Variants in HECW2 observed in about 807,000 individuals in gnomAD.
The protein encoded by HECW2 is HECT, C2 and WW domain containing E3 ubiquitin protein ligase 2.
HECW2 carries 61 observed loss-of-function variants against 175.2 expected under a neutral mutation model. The observed-to-expected ratio is 0.35, with a 90% CI of 0.28 to 0.43. The LOEUF (loss-of-function observed/expected upper bound fraction) is 0.43. HECW2 is among the 20% of genes least tolerant of loss of function. HECW2 has a pLI of 1.00. For missense variants in HECW2, 1,524 were observed against 2,000.5 expected (o/e 0.76, Z 4.54); for synonymous variants, 671 against 731.0 (o/e 0.92, Z 1.32).
At chr2:196,334,854 G>A (rs1692493526) in intron 3 of HECW2, among the ~76,000 whole-genome samples, 1 of 152,178 alleles carries the variant, frequency 6.6e-6, no homozygotes, top group South Asian at 2.1e-4. Flanking sequence ...TGTTGTTAGT[G>A]AACCCTCACA....
At chr2:196,228,358 T>C in intron 21 of HECW2, 104 bp from the exon 22 acceptor site, 1 of 1,044,006 alleles carries the variant, frequency 9.6e-7, no homozygotes, top group Non-Finnish European at 1.4e-6. Context: ...ATTACAAATC[T>C]AATTGTCCAC....
chr2:196,416,412 C>T (rs1237767006), intron 2 of HECW2, among the ~76,000 whole-genome samples: 6 of 152,054 alleles, frequency 3.9e-5, no homozygotes, highest in Non-Finnish European at 7.4e-5. Flanking sequence ...GGCAGCTTTA[C>T]AAAAACAGTA....
chr2:196,314,493 G>A (rs1408671900), intron 10 of HECW2, among the ~76,000 whole-genome samples: 3 of 152,096 alleles, frequency 2.0e-5, no homozygotes. Context: ...TAGAGGAGAG[G>A]GAATATTTGA....
chr2:196,342,985 A>G (rs1271980372), intron 3 of HECW2, among the ~76,000 whole-genome samples: 4 of 150,950 alleles, frequency 2.6e-5, no homozygotes, highest in Admixed American at 2.6e-4. Flanking sequence ...TATGTAAAAT[A>G]TAAAATATAC....
intron 28 of HECW2, among the ~76,000 whole-genome samples, chr2:196,204,724 C>A (rs1575215657): frequency 6.6e-6 from 1 of 152,142 alleles, no homozygotes; most frequent in Non-Finnish European, 1.5e-5. Context: ...TCAGTAGAAC[C>A]AGTAACAGGT....
At chr2:196,368,946 A>C (rs1693830776) in intron 2 of HECW2, among the ~76,000 whole-genome samples, 1 of 152,122 alleles carries the variant, frequency 6.6e-6, no homozygotes, top group Non-Finnish European at 1.5e-5. Context: ...GACTGACCAC[A>C]AATACCTGCC....
chr2:196,477,148 G>GAAAA, intron 1 of HECW2, among the ~76,000 whole-genome samples: 1 of 104,376 alleles, frequency 9.6e-6, no homozygotes, highest in Non-Finnish European at 2.1e-5. Flanking sequence ...AGGGAAAAGC[G>GAAAA]AAAAAAAAAA....
intron 13 of HECW2, among the ~76,000 whole-genome samples, chr2:196,305,475 C>A (rs1691224976): frequency 6.6e-6 from 1 of 152,146 alleles, no homozygotes; most frequent in South Asian, 2.1e-4. Context: ...AATTACCTCA[C>A]CACATACTCC....
At chr2:196,562,919 C>G (rs1690055710) in intron 1 of HECW2, among the ~76,000 whole-genome samples, 2 of 151,998 alleles carry the variant, frequency 1.3e-5, no homozygotes, top group African/African-American at 4.8e-5. Flanking sequence ...TGAGGCACAC[C>G]TGTAGTCCCA....
At chr2:196,229,323 A>T (rs1687964089) in intron 21 of HECW2, among the ~76,000 whole-genome samples, 1 of 151,990 alleles carries the variant, frequency 6.6e-6, no homozygotes, top group South Asian at 2.1e-4. Flanking sequence ...ATGAAAAAAA[A>T]ATCTGAGTCT....
At chr2:196,564,954 A>AT (rs11441092) in intron 1 of HECW2, among the ~76,000 whole-genome samples, 121,725 of 145,264 alleles carry the variant, frequency 0.84, 51,620 homozygotes, top group East Asian at 0.96. Flanking sequence ...CTATGCTTTG[A>AT]TTTTTTTTTT....
At chr2:196,335,771 T>G in intron 3 of HECW2, among the ~76,000 whole-genome samples, 1 of 152,208 alleles carries the variant, frequency 6.6e-6, no homozygotes. Context: ...TATCCAATAA[T>G]TCATAATTTA....
intron 1 of HECW2, among the ~76,000 whole-genome samples, chr2:196,508,686 T>C (rs1687848337): frequency 6.6e-6 from 1 of 152,178 alleles, no homozygotes; most frequent in Non-Finnish European, 1.5e-5. Flanking sequence ...TCTCTCTTTT[T>C]CCTCCATCAC....
intron 1 of HECW2, among the ~76,000 whole-genome samples, chr2:196,497,983 C>T (rs144236022): frequency 6.6e-6 from 1 of 152,328 alleles, no homozygotes; most frequent in East Asian, 1.9e-4. Flanking sequence ...ATTTCATCTC[C>T]ATCTTTGGAT....
chr2:196,337,970 A>C (rs577419434), intron 3 of HECW2, among the ~76,000 whole-genome samples: 1 of 152,162 alleles, frequency 6.6e-6, no homozygotes, highest in African/African-American at 2.4e-5. Flanking sequence ...CAGATTTAGC[A>C]CTCTGTATTT....
intron 5 of HECW2, among the ~76,000 whole-genome samples, chr2:196,325,835 T>A (rs1559043204): frequency 1.3e-5 from 2 of 152,340 alleles, no homozygotes; most frequent in Admixed American, 1.3e-4. Context: ...GTCCTATAAC[T>A]CACCTTAGAT....
At chr2:196,552,901 A>G (rs895507662) in intron 1 of HECW2, among the ~76,000 whole-genome samples, 1 of 152,330 alleles carries the variant, frequency 6.6e-6, no homozygotes, top group Non-Finnish European at 1.5e-5. Flanking sequence ...AGCAAAATAA[A>G]GTCCCTCTCA....
At chr2:196,220,438 T>C (rs1245977323) in intron 25 of HECW2, among the ~76,000 whole-genome samples, 4 of 152,212 alleles carry the variant, frequency 2.6e-5, no homozygotes, top group African/African-American at 9.7e-5. Flanking sequence ...AAAAGTCACA[T>C]ACAATACATG....
chr2:196,305,251 G>A (rs1691216552), intron 13 of HECW2, among the ~76,000 whole-genome samples: 1 of 152,154 alleles, frequency 6.6e-6, no homozygotes, highest in South Asian at 2.1e-4. Context: ...GCGAAGCTGA[G>A]TGCTCAGTAA....
Sources: allele counts gnomAD v4.1 joint callset (sites outside exome capture counted in the v4.1 genomes callset), GRCh38; gene constraint gnomAD v4.1.1; transcripts MANE v1.5; gene names NCBI Gene and HGNC (gene_info 2026-07-23, HGNC 2026-07-21).